Variants in RIN2 observed in about 807,000 individuals in gnomAD.
RIN2 encodes the protein RAB5 interacting protein 2.
RIN2 carries 36 observed loss-of-function variants against 78.0 expected under a neutral mutation model. The ratio of observed to expected loss-of-function variants is 0.46; its 90% CI spans 0.35 to 0.61. The LOEUF is 0.61. Among genes scored for constraint, RIN2 ranks in the 20% least tolerant of loss-of-function variants. The pLI, the probability that RIN2 is intolerant of heterozygous loss-of-function variation, is 0.00. For missense variants in RIN2, 1,087 were observed against 1,159.7 expected (o/e 0.94, Z 0.91); for synonymous variants, 466 against 466.8 (o/e 1.00, Z 0.02).
intron 2 of RIN2, chr20:19,823,877 C>A: frequency 6.2e-7 from 1 of 1,604,166 alleles, no homozygotes; most frequent in Non-Finnish European, 8.5e-7. Context: ...GAAGTGGCAC[C>A]GACTTCACCT....
chr20:19,918,047 C>T (rs2123775251), intron 3 of RIN2, among the ~76,000 whole-genome samples: 1 of 152,214 alleles, frequency 6.6e-6, no homozygotes, highest in South Asian at 2.1e-4. Context: ...TTCTCTAGTG[C>T]TTGTAGAAAA....
At chr20:19,877,993 C>A (rs900309423) in intron 2 of RIN2, among the ~76,000 whole-genome samples, 7 of 152,180 alleles carry the variant, frequency 4.6e-5, no homozygotes, top group African/African-American at 1.7e-4. Flanking sequence ...GCATTCTAGT[C>A]TGGGCGACAG....
intron 3 of RIN2, among the ~76,000 whole-genome samples, chr20:19,910,713 C>T (rs911940400): frequency 5.9e-5 from 9 of 151,674 alleles, no homozygotes; most frequent in South Asian, 2.1e-4. Flanking sequence ...GGATTACAGG[C>T]GCCCACTACC....
At chr20:19,910,360 T>G (rs1293170301) in intron 3 of RIN2, among the ~76,000 whole-genome samples, 1 of 150,130 alleles carries the variant, frequency 6.7e-6, no homozygotes, top group East Asian at 2.0e-4. Flanking sequence ...TTTAGTGGAG[T>G]CAGGGTTTCA....
chr20:19,964,280 GAA>G (rs61171348), intron 6 of RIN2, among the ~76,000 whole-genome samples: 1 of 140,810 alleles, frequency 7.1e-6, no homozygotes, highest in African/African-American at 2.6e-5. Flanking sequence ...GAGAGAGAGA[GAA>G]AAAAAAAAAG....
intron 2 of RIN2, among the ~76,000 whole-genome samples, chr20:19,846,376 C>T (rs1007825935): frequency 2.0e-5 from 3 of 152,084 alleles, no homozygotes; most frequent in Non-Finnish European, 4.4e-5. Context: ...AATGTTTTTC[C>T]ATTTGTTTGT....
intron 6 of RIN2, among the ~76,000 whole-genome samples, chr20:19,962,015 G>A (rs1232286043): frequency 6.6e-6 from 1 of 151,970 alleles, no homozygotes; most frequent in Non-Finnish European, 1.5e-5. Flanking sequence ...GAAAGTCTGC[G>A]AGAGGCTGGG....
chr20:19,905,893 C>T (rs2039198914), intron 3 of RIN2, among the ~76,000 whole-genome samples: 1 of 152,206 alleles, frequency 6.6e-6, no homozygotes, highest in South Asian at 2.1e-4. Context: ...TTCTCTGGCC[C>T]TCTGTAGAGA....
intron 9 of RIN2, among the ~76,000 whole-genome samples, chr20:19,984,003 A>G (rs574119446): frequency 1.3e-5 from 2 of 151,518 alleles, no homozygotes; most frequent in Admixed American, 6.6e-5. Flanking sequence ...TACATTAGGT[A>G]TTTCTCCTAA....
chr20:19,889,649 T>C lies in RIN2; in HGVS notation c.48T>C (p.Ser16=). The C allele has an allele frequency of 4.6e-6, 7 of 1,517,682 alleles. No individual in the cohort carries two copies. Among genetic ancestry groups the C allele is most frequent in the Non-Finnish European group, 6.2e-6 (7 of 1,128,720 alleles). 94.0% of individuals were successfully genotyped at this position (1,517,682 alleles called of 1,614,324 possible). The change falls in exon 3 of 13, where the codon AGT becomes AGC. Residue 16 remains serine (S), a synonymous_variant. Transcript: ENST00000255006. Reference sequence around the variant, plus strand: ...CCCGCGGTCTGGACAAGCGAGGAAGTTTCTTTAAGGTAAAAGGAAGCCTTG... The same window carrying C: ...CCCGCGGTCTGGACAAGCGAGGAAGCTTCTTTAAGGTAAAAGGAAGCCTTG... ...MGARGLDKRG[S]FFKLIDTIAS...
chr20:19,963,024 C>T (rs1347834857), intron 6 of RIN2, among the ~76,000 whole-genome samples: 1 of 152,110 alleles, frequency 6.6e-6, no homozygotes, highest in Non-Finnish European at 1.5e-5. Context: ...ATAAACAACA[C>T]CTCATATTTG....
intron 2 of RIN2, among the ~76,000 whole-genome samples, chr20:19,887,036 T>C (rs2038229069): frequency 6.6e-6 from 1 of 152,008 alleles, no homozygotes; most frequent in South Asian, 2.1e-4. Flanking sequence ...CTTTTTTTTT[T>C]TTCTTTCGAG....
intron 9 of RIN2, among the ~76,000 whole-genome samples, chr20:19,983,831 C>T (rs2042539341): frequency 6.6e-6 from 1 of 152,138 alleles, no homozygotes. Context: ...TCCCTCCCAC[C>T]CTAACCTCAT....
In RIN2 at chr20:19,839,616, C is replaced by G. The variant is rs779218155; in HGVS notation, c.-37+39869C>G. Among the ~76,000 whole-genome samples the G allele has an allele frequency of 4.1e-4, 63 of 152,184 alleles. 3 individuals carry two copies. Among genetic ancestry groups the G allele is most frequent in the Non-Finnish European group, 3.5e-4 (24 of 68,030 alleles). On this transcript the variant is annotated intron_variant, in intron 2 of 12. Transcript: ENST00000255006. ...TAGAGAAGATCCTTTCCTTCCTTCT[C>G]TCTACCACCTCCCCCTGGAGGATCT...
chr20:19,845,901 T>C (rs966118551), intron 2 of RIN2, among the ~76,000 whole-genome samples: 56 of 152,256 alleles, frequency 3.7e-4, no homozygotes, highest in African/African-American at 1.2e-3. Context: ...AGTTAATTTC[T>C]GTATAAGGTT....
At chr20:19,896,563 T>C (rs1267782002) in intron 3 of RIN2, among the ~76,000 whole-genome samples, 2 of 152,166 alleles carry the variant, frequency 1.3e-5, no homozygotes, top group East Asian at 3.8e-4. Flanking sequence ...GTCCAGTGAG[T>C]CCACATCCCC....
At chr20:19,780,283 G>C (rs1184364482) in intron 1 of RIN2, among the ~76,000 whole-genome samples, 1 of 152,220 alleles carries the variant, frequency 6.6e-6, no homozygotes, top group African/African-American at 2.4e-5. Flanking sequence ...TCATGACCTA[G>C]GGTTGTTTGT....
intron 4 of RIN2, among the ~76,000 whole-genome samples, chr20:19,940,762 C>T (rs2040838382): frequency 6.6e-6 from 1 of 152,216 alleles, no homozygotes. Flanking sequence ...CGGAAGCAGG[C>T]CTCTTTTGGG....
At position 19,924,448 on chromosome 20, in the gene RIN2, T is replaced by TCACCTTCATACCCTCACCTTCATACCCC. The variant is rs1568615928; in HGVS notation, c.58-10637_58-10610dup. 8.4e-3 allele frequency among the ~76,000 whole-genome samples: 22 copies of TCACCTTCATACCCTCACCTTCATACCCC among 2,626 alleles called. 7 individuals are homozygous for TCACCTTCATACCCTCACCTTCATACCCC. Among genetic ancestry groups the TCACCTTCATACCCTCACCTTCATACCCC allele is most frequent in the African/African-American group, 0.035 (22 of 632 alleles). 1.7% of individuals were successfully genotyped at this position (2,626 alleles called of 152,430 possible). ...CTTTCATACCCCCACCTTCATACCC[T>TCACCTTCATACCCTCACCTTCATACCCC]CACCTTCATACCCTCACCTTCATAC... On this transcript the variant is annotated intron_variant, in intron 3 of 12. Transcript: ENST00000255006.
Sources: gnomAD v4.1 joint callset for allele counts (sites outside exome capture counted in the v4.1 genomes callset) on GRCh38, gnomAD v4.1.1 for gene constraint, MANE v1.5 for transcripts, NCBI Gene and HGNC (gene_info 2026-07-23, HGNC 2026-07-21) for gene names.